Variants in YARS1 observed in about 807,000 individuals in gnomAD.
The protein encoded by YARS1 is tyrosyl-tRNA synthetase 1.
In YARS1, 36 loss-of-function variants were observed where a neutral mutation model predicts 62.2. The ratio of observed to expected loss-of-function variants is 0.58; its 90% CI spans 0.44 to 0.76. The LOEUF is 0.76. YARS1 is among the 30% of genes least tolerant of loss of function. The probability of loss-of-function intolerance (pLI) is 0.00; values close to 1 mark genes in which losing one functional copy is unlikely to be tolerated. For synonymous variants in YARS1, 234 were observed against 244.9 expected, an observed-to-expected ratio of 0.96 and a Z score of 0.42; for missense variants, 524 against 639.8, an observed-to-expected ratio of 0.82 and a Z score of 1.95.
In YARS1 at chr1:32,776,847, G is replaced by A. The variant is rs12027177; in HGVS notation, c.1477-756C>T. Among the ~76,000 whole-genome samples, 1 of 151,894 alleles carries A rather than the reference G, an allele frequency of 6.6e-6. No homozygotes were observed. Among genetic ancestry groups the A allele is most frequent in the Non-Finnish European group, 1.5e-5 (1 of 68,010 alleles). On this transcript the variant is annotated intron_variant, in intron 12 of 12. Transcript: ENST00000373477. This position sits in a 1 kb window ranked among gnomAD's most constrained non-coding sequence, Gnocchi z 4.0. Reference sequence around the variant, plus strand: ...CGGGTGTGGTGGTGGGGCGCCTGTAGTCCCAGCTACTCAGAAGGCTGAGGC... The same window carrying A: ...CGGGTGTGGTGGTGGGGCGCCTGTAATCCCAGCTACTCAGAAGGCTGAGGC...
intron 6 of YARS1, among the ~76,000 whole-genome samples, chr1:32,787,328 T>C (rs981339747): frequency 6.6e-6 from 1 of 151,900 alleles, no homozygotes; most frequent in Non-Finnish European, 1.5e-5. Flanking sequence ...GGTTTCATCA[T>C]GTGGCCCAGG....
At chr1:32,803,207 C>T (rs1160018156) in intron 4 of YARS1, among the ~76,000 whole-genome samples, 1 of 151,646 alleles carries the variant, frequency 6.6e-6, no homozygotes, top group Non-Finnish European at 1.5e-5. Flanking sequence ...TCTCGAACTC[C>T]TGACCTCGTG....
intron 3 of YARS1, among the ~76,000 whole-genome samples, chr1:32,807,277 T>G (rs2148615243): frequency 6.6e-6 from 1 of 152,310 alleles, no homozygotes; most frequent in South Asian, 2.1e-4. Flanking sequence ...GTTGGCTTTC[T>G]GATCAAACCT....
chr1:32,787,831 A>C (rs1472181111), intron 6 of YARS1, among the ~76,000 whole-genome samples: 1 of 152,156 alleles, frequency 6.6e-6, no homozygotes. Context: ...ATATTTTAAC[A>C]TTTGGCTGGG....
At chr1:32,812,542 T>G (rs1007725695) in intron 1 of YARS1, among the ~76,000 whole-genome samples, 1 of 152,224 alleles carries the variant, frequency 6.6e-6, no homozygotes, top group African/African-American at 2.4e-5. Context: ...GGGGGGAAAT[T>G]TGCATTCTGT....
At chr1:32,795,142 AC>A (rs1284890477) in intron 5 of YARS1, among the ~76,000 whole-genome samples, 2 of 151,362 alleles carry the variant, frequency 1.3e-5, no homozygotes, top group Non-Finnish European at 2.9e-5. Context: ...ACACGGTGAA[AC>A]CCCGTCTCTA....
At position 32,806,466 on chromosome 1, in the gene YARS1, C is replaced by A; in HGVS notation, c.510+16G>T. 1 of 1,613,732 alleles carries A rather than the reference C, an allele frequency of 6.2e-7. No individual in the cohort carries two copies. Among genetic ancestry groups the A allele is most frequent in the Non-Finnish European group, 8.5e-7 (1 of 1,179,940 alleles). On this transcript the variant is annotated intron_variant, in intron 4 of 12. Transcript: ENST00000373477. ...AGCAGAAAAGGTCATCGGGCCACTC[C>A]ATCCCCCTTAAGTACCTGCAGTCCG... is the stretch of plus-strand genomic sequence containing the variant.
chr1:32,815,486 C>A (rs549161171), intron 1 of YARS1, among the ~76,000 whole-genome samples: 2 of 152,008 alleles, frequency 1.3e-5, no homozygotes, highest in East Asian at 3.9e-4. Context: ...CGTGCAAAAA[C>A]CTTTGGTTAA....
intron 5 of YARS1, among the ~76,000 whole-genome samples, chr1:32,796,965 C>CAAAAAAAAAAAAA (rs71578193): frequency 1.1e-3 from 3 of 2,658 alleles, no homozygotes; most frequent in African/African-American, 1.7e-3. Flanking sequence ...AACTCAGTCT[C>CAAAAAAAAAAAAA]AAAAAAAAAA....
chr1:32,784,547 T>C (rs970548549), intron 8 of YARS1, among the ~76,000 whole-genome samples: 4 of 152,158 alleles, frequency 2.6e-5, no homozygotes, highest in African/African-American at 4.8e-5. Flanking sequence ...TTTGTACAAC[T>C]TATTCCCTCA....
At chr1:32,806,241 A>G (rs371456423) in intron 4 of YARS1, among the ~76,000 whole-genome samples, 1 of 152,240 alleles carries the variant, frequency 6.6e-6, no homozygotes, top group African/African-American at 2.4e-5. Context: ...CAGATATGAT[A>G]ATAATGAAAA....
chr1:32,778,991 C>T (rs1407270316), intron 12 of YARS1, among the ~76,000 whole-genome samples: 1 of 151,444 alleles, frequency 6.6e-6, no homozygotes, highest in Middle Eastern at 3.4e-3. Context: ...CCGCCTGCCT[C>T]GGCCTCCCAA....
intron 6 of YARS1, among the ~76,000 whole-genome samples, chr1:32,788,271 C>G (rs1419121994): frequency 6.6e-6 from 1 of 151,768 alleles, no homozygotes. Flanking sequence ...TTTTTCTTTT[C>G]AGATGGTCTC....
intron 11 of YARS1, 141 bp from the exon 12 acceptor site, chr1:32,779,664 T>G: frequency 9.2e-7 from 1 of 1,083,332 alleles, no homozygotes; most frequent in African/African-American, 1.6e-5. Context: ...GGAGGTCCTC[T>G]TATCTTGCTA....
chr1:32,796,734 T>C (rs370393437), intron 5 of YARS1, among the ~76,000 whole-genome samples: 24 of 151,328 alleles, frequency 1.6e-4, no homozygotes, highest in Admixed American at 6.6e-4. Flanking sequence ...AAGGCTGAGA[T>C]GGGTGGATCA....
intron 3 of YARS1, 73 bp downstream of exon 3, chr1:32,810,518 G>A: frequency 4.4e-6 from 7 of 1,581,716 alleles, no homozygotes; most frequent in Non-Finnish European, 5.2e-6. Flanking sequence ...TGTAAAGAAT[G>A]CCTGGACTCC....
chr1:32,801,455 G>C (rs186729940), intron 4 of YARS1, among the ~76,000 whole-genome samples: 6 of 152,284 alleles, frequency 3.9e-5, no homozygotes, highest in African/African-American at 1.2e-4. Flanking sequence ...AAATGCTAAC[G>C]ATCATCTGAG....
At chr1:32,804,670 C>G (rs1479268714) in intron 4 of YARS1, among the ~76,000 whole-genome samples, 1 of 143,596 alleles carries the variant, frequency 7.0e-6, no homozygotes, top group Non-Finnish European at 1.5e-5. Context: ...ACATCTGAGA[C>G]GATGGGCAGC....
At chr1:32,803,324 G>T (rs1287258629) in intron 4 of YARS1, among the ~76,000 whole-genome samples, 1 of 149,904 alleles carries the variant, frequency 6.7e-6, no homozygotes, top group Non-Finnish European at 1.5e-5. Context: ...TAGAGACCGG[G>T]TTTCACCATG....
Sources: allele counts gnomAD v4.1 joint callset (sites outside exome capture counted in the v4.1 genomes callset), GRCh38; gene constraint gnomAD v4.1.1; non-coding constraint Gnocchi (gnomAD v3.1); transcripts MANE v1.5; gene names NCBI Gene and HGNC (gene_info 2026-07-23, HGNC 2026-07-21).